Variants in MCPH1 observed in about 807,000 individuals in gnomAD.
MCPH1 encodes microcephalin.
MCPH1 carries 104 observed loss-of-function variants against 84.5 expected under a neutral mutation model. The observed-to-expected ratio is 1.23, with a 90% confidence interval of 1.05 to 1.45. The LOEUF is 1.45. MCPH1 is among the 40% of genes most tolerant of loss of function. The probability of loss-of-function intolerance (pLI) is 0.00; values close to 1 mark genes in which losing one functional copy is unlikely to be tolerated. For missense variants in MCPH1, 1,498 were observed against 1,005.7 expected (o/e 1.49, Z -6.62); for synonymous variants, 514 against 366.8 (o/e 1.40, Z -4.58).
In MCPH1 at chr8:6,621,493, C is replaced by T. The variant is rs373658774; in HGVS notation, c.2254C>T (p.Arg752Cys). The change falls in exon 13 of 14, where the codon CGC (arginine) becomes TGC (cysteine). Residue 752 changes from arginine (R) to cysteine (C), a missense_variant. Arg to Cys is a radical substitution (Grantham distance 180). Coordinates refer to ENST00000344683, the MANE Select transcript of MCPH1 (RefSeq NM_024596.5). The part of the protein sequence containing the change: ...SECHLSAGPY[R>C]GTLFADQPAM... ...GTGCCACTTGTCTGCAGGGCCGTAC[C>T]GCGGAACCCTCTTTGCCGACCAGCC... is the stretch of plus-strand genomic sequence containing the variant. The T allele has an allele frequency of 1.5e-5, 24 of 1,614,124 alleles. No individual in the cohort carries two copies. The African/African-American group carries it at 1.7e-4, about 12-fold the overall frequency.
At position 6,544,270 on chromosome 8, in the gene MCPH1, G is replaced by A. The variant is rs143936624; in HGVS notation, c.2214+44341G>A. ...AGACCATAGAAAACCCCATAAACACGTTCTACTTCTGTCTGTGGCCAGCAG... is the reference window on the plus strand; with the variant it reads ...AGACCATAGAAAACCCCATAAACACATTCTACTTCTGTCTGTGGCCAGCAG... On this transcript the variant is annotated intron_variant, in intron 12 of 13. Transcript: ENST00000344683. Among the ~76,000 whole-genome samples, 332 of 152,232 alleles carry A rather than the reference G, an allele frequency of 2.2e-3. 1 individual carries two copies. Among genetic ancestry groups the A allele is most frequent in the African/African-American group, 7.2e-3 (301 of 41,534 alleles).
chr8:6,577,433 C>G lies in MCPH1; in HGVS notation c.2215-44021C>G, dbSNP rs144738566. 8.5e-4 allele frequency among the ~76,000 whole-genome samples: 129 copies of G among 152,348 alleles called. 1 individual carries two copies. The highest frequency in any genetic ancestry group is 3.0e-3 in the African/African-American group (124 of 41,592). ...GATCGTCCTGGGGTAAACACATTCA[C>G]ATATTCTGAATGTACAAATGGCTGT... On this transcript the variant is annotated intron_variant, in intron 12 of 13. Coordinates refer to ENST00000344683, the MANE Select transcript of MCPH1 (RefSeq NM_024596.5).
intron 12 of MCPH1, chr8:6,503,260 G>C: frequency 1.2e-6 from 2 of 1,614,102 alleles, no homozygotes; most frequent in Non-Finnish European, 1.7e-6. Flanking sequence ...CAAACCACCA[G>C]CCTGTGAAAG....
chr8:6,607,381 C>A (rs1464230893), intron 12 of MCPH1, among the ~76,000 whole-genome samples: 4 of 152,198 alleles, frequency 2.6e-5, no homozygotes, highest in African/African-American at 9.6e-5. Flanking sequence ...CCCAAGTTTG[C>A]CTGTTTCTGT....
chr8:6,642,286 T>G (rs574710958), intron 13 of MCPH1, among the ~76,000 whole-genome samples: 4 of 152,066 alleles, frequency 2.6e-5, no homozygotes, highest in East Asian at 1.9e-4. Context: ...ACAGTAGGAA[T>G]AGAATGCAGT....
chr8:6,410,760 A>G (rs1257989745), intron 2 of MCPH1, among the ~76,000 whole-genome samples: 1 of 152,166 alleles, frequency 6.6e-6, no homozygotes, highest in Non-Finnish European at 1.5e-5. Flanking sequence ...AAGTAGGGTG[A>G]TCTAAGCTGT....
chr8:6,503,040 G>C (rs889315592), intron 12 of MCPH1: 31 of 1,595,148 alleles, frequency 1.9e-5, no homozygotes, highest in Admixed American at 6.7e-5. Context: ...GTGACTTTCA[G>C]TGCACTGGGC....
chr8:6,504,317 CAAAAAAA>C (rs35379672), intron 12 of MCPH1, among the ~76,000 whole-genome samples: 2 of 85,914 alleles, frequency 2.3e-5, no homozygotes, highest in Non-Finnish European at 4.4e-5. Flanking sequence ...GACTCCAGCT[CAAAAAAA>C]AAAAAAAAAA....
chr8:6,625,871 A>T (rs757518096), intron 13 of MCPH1: 11 of 985,160 alleles, frequency 1.1e-5, no homozygotes, highest in African/African-American at 1.7e-5. Flanking sequence ...TCGTAAACTC[A>T]CAGGGGGTGG....
intron 12 of MCPH1, among the ~76,000 whole-genome samples, chr8:6,572,429 G>A (rs1051597547): frequency 5.3e-5 from 8 of 152,084 alleles, no homozygotes; most frequent in African/African-American, 1.9e-4. Context: ...CCTATCAAGC[G>A]ACAGGCAAAT....
At position 6,579,163 on chromosome 8, in the gene MCPH1, G is replaced by A. The variant is rs561986984; in HGVS notation, c.2215-42291G>A. Among the ~76,000 whole-genome samples the A allele has an allele frequency of 5.4e-4, 82 of 152,300 alleles. 1 individual carries two copies. The highest frequency in any genetic ancestry group is 2.0e-3 in the African/African-American group (82 of 41,566). ...CCTAACACCTGACACCTCCATCTTG[G>A]CATCATCCACCTGTAGCCTCTAGCC... On this transcript the variant is annotated intron_variant, in intron 12 of 13. Coordinates refer to ENST00000344683, the MANE Select transcript of MCPH1 (RefSeq NM_024596.5).
chr8:6,626,475 T>TTG (rs1832090638), intron 13 of MCPH1: 1 of 149,896 alleles, frequency 6.7e-6, no homozygotes, highest in Non-Finnish European at 8.5e-6. Flanking sequence ...TTTTGTTTTG[T>TTG]TTTTTTTTTT....
intron 12 of MCPH1, chr8:6,500,230 T>A (rs910379362): frequency 1.6e-5 from 6 of 383,138 alleles, no homozygotes; most frequent in African/African-American, 1.0e-4. Flanking sequence ...GGTAGTCTTA[T>A]ATCTTGCTTA....
In MCPH1 at chr8:6,572,952, A is replaced by T. The variant is rs1826782523; in HGVS notation, c.2215-48502A>T. On this transcript the variant is annotated intron_variant, in intron 12 of 13. Coordinates refer to ENST00000344683, the MANE Select transcript of MCPH1 (RefSeq NM_024596.5). ...ACTGTTACTTATTTAAGAAGAACAT[A>T]CTCTGCCCTTTCTCCCTCCCTGAAG... Among the ~76,000 whole-genome samples the T allele has an allele frequency of 2.0e-5, 3 of 152,236 alleles. No homozygotes were observed. In the South Asian group the frequency reaches 6.2e-4, roughly 32 times the overall value.
At chr8:6,470,251 C>G (rs566358937) in intron 9 of MCPH1, among the ~76,000 whole-genome samples, 12 of 152,118 alleles carry the variant, frequency 7.9e-5, no homozygotes, top group African/African-American at 2.9e-4. Flanking sequence ...CTTGTTTTTT[C>G]ATTTCTGAGA....
intron 11 of MCPH1, among the ~76,000 whole-genome samples, chr8:6,484,423 G>A (rs1021128409): frequency 6.6e-6 from 1 of 152,226 alleles, no homozygotes; most frequent in Non-Finnish European, 1.5e-5. Context: ...CAGCTGGAAC[G>A]GCTGCTGGTG....
rs530357044 is a variant in MCPH1, at chr8:6,478,553, C to CT, written c.1973+929dup. On this transcript the variant is annotated intron_variant, in intron 10 of 13. Coordinates refer to ENST00000344683, the MANE Select transcript of MCPH1 (RefSeq NM_024596.5). Reference sequence around the variant, plus strand: ...ATTTAGGCCGTCTTCTTGTCTTACTCTTTTTTTCTCCACATGGACTTCTTG... The same window carrying CT: ...ATTTAGGCCGTCTTCTTGTCTTACTCTTTTTTTTCTCCACATGGACTTCTTG... Among the ~76,000 whole-genome samples the CT allele has an allele frequency of 2.7e-3, 411 of 152,180 alleles. 1 individual carries two copies. The highest frequency in any genetic ancestry group is 0.01 in the Middle Eastern group (3 of 294).
chr8:6,502,681 G>A (rs1812426452), intron 12 of MCPH1: 1 of 155,808 alleles, frequency 6.4e-6, no homozygotes, highest in African/African-American at 2.4e-5. Flanking sequence ...CAGGACATAT[G>A]GGTATTTACA....
intron 12 of MCPH1, among the ~76,000 whole-genome samples, chr8:6,510,817 T>G (rs750216736): frequency 2.0e-4 from 30 of 152,198 alleles, no homozygotes; most frequent in Middle Eastern, 3.2e-3. Flanking sequence ...CTAAGTGACT[T>G]CAGTATTAAG....
Sources: gnomAD v4.1 joint callset for allele counts (sites outside exome capture counted in the v4.1 genomes callset) on GRCh38, gnomAD v4.1.1 for gene constraint, MANE v1.5 for transcripts, NCBI Gene and HGNC (gene_info 2026-07-23, HGNC 2026-07-21) for gene names.